DSCAM: variants seen among roughly 807,000 people sequenced by gnomAD.
DSCAM encodes the protein DS cell adhesion molecule.
Under a neutral mutation model 217.7 loss-of-function variants are expected in DSCAM, and 47 were observed. The observed-to-expected ratio is 0.22, with a 90% confidence interval of 0.17 to 0.28. The LOEUF (loss-of-function observed/expected upper bound fraction) is 0.28. DSCAM is among the 10% of genes least tolerant of loss of function. DSCAM has a pLI of 1.00. For missense variants in DSCAM, 2,080 were observed against 2,618.3 expected (o/e 0.79, Z 4.49); for synonymous variants, 1,056 against 1,015.3 (o/e 1.04, Z -0.76).
chr21:40,381,682 A>T (rs2075027306), intron 3 of DSCAM, among the ~76,000 whole-genome samples: 1 of 152,218 alleles, frequency 6.6e-6, no homozygotes, highest in South Asian at 2.1e-4. Flanking sequence ...ATGGGAAAGA[A>T]TCTGGAAAAA....
At chr21:40,442,624 G>T (rs866435135) in intron 3 of DSCAM, among the ~76,000 whole-genome samples, 20 of 144,142 alleles carry the variant, frequency 1.4e-4, no homozygotes, top group African/African-American at 5.1e-4. Context: ...GGTTCAAGAA[G>T]TTCTTCTGCC....
chr21:40,602,259 T>C (rs942768655), intron 3 of DSCAM, among the ~76,000 whole-genome samples: 8 of 151,926 alleles, frequency 5.3e-5, no homozygotes, highest in Non-Finnish European at 1.2e-4. Context: ...ACAGGGTTTG[T>C]CATGTTGCCC....
chr21:40,674,789 C>T (rs1181824417), intron 3 of DSCAM, among the ~76,000 whole-genome samples: 4 of 152,044 alleles, frequency 2.6e-5, no homozygotes. Flanking sequence ...CCTGCCACCA[C>T]GCCCGGCTAA....
intron 1 of DSCAM, among the ~76,000 whole-genome samples, chr21:40,836,246 C>T (rs1046293058): frequency 6.6e-6 from 1 of 152,170 alleles, no homozygotes; most frequent in Non-Finnish European, 1.5e-5. Flanking sequence ...TGCTGGGACT[C>T]CAGCTGCTAT....
intron 1 of DSCAM, among the ~76,000 whole-genome samples, chr21:40,790,682 G>A (rs778380216): frequency 2.0e-5 from 3 of 152,210 alleles, no homozygotes; most frequent in Non-Finnish European, 4.4e-5. Context: ...ATGCAAGCCT[G>A]AGAATGTTGT....
chr21:40,761,032 G>A lies in DSCAM; in HGVS notation c.44-52261C>T, dbSNP rs79379103. 3.7e-4 allele frequency among the ~76,000 whole-genome samples: 57 copies of A among 152,310 alleles called. 2 individuals carry two copies. The East Asian group carries it at 0.011, about 28-fold the overall frequency. On this transcript the variant is annotated intron_variant, in intron 1 of 32. Transcript: ENST00000400454. ...GCCTTCCTTCTTCTGGAATGCAACAGTCATTGTTGAATTTCTACCCTCACC... is the reference window on the plus strand; with the variant it reads ...GCCTTCCTTCTTCTGGAATGCAACAATCATTGTTGAATTTCTACCCTCACC...
chr21:40,678,578 T>C (rs9982026), intron 3 of DSCAM, among the ~76,000 whole-genome samples: 123,124 of 152,090 alleles, frequency 0.81, 51,465 homozygotes, highest in East Asian at 1. Context: ...GCCATCCCTT[T>C]CCCCCATGTA....
intron 6 of DSCAM, among the ~76,000 whole-genome samples, chr21:40,342,891 C>T (rs898377890): frequency 8.6e-5 from 13 of 150,416 alleles, no homozygotes; most frequent in African/African-American, 1.5e-4. Context: ...CTTGAAATCA[C>T]ATTAATCGTT....
chr21:40,730,637 T>C lies in DSCAM; in HGVS notation c.44-21866A>G, dbSNP rs141448846. 1.8e-4 allele frequency among the ~76,000 whole-genome samples: 27 copies of C among 152,282 alleles called. No individual in the cohort carries two copies. The East Asian group carries it at 5.2e-3, about 29-fold the overall frequency. Reference sequence around the variant, plus strand: ...GCCTGGCACGCTGTCCAGCCCATGATGCTGTCTCTATAAGAGGCCACCTGA... The same window carrying C: ...GCCTGGCACGCTGTCCAGCCCATGACGCTGTCTCTATAAGAGGCCACCTGA... On this transcript the variant is annotated intron_variant, in intron 1 of 32. Coordinates refer to ENST00000400454, the MANE Select transcript of DSCAM (RefSeq NM_001389.5).
At chr21:40,291,976 A>G (rs57947814) in intron 10 of DSCAM, among the ~76,000 whole-genome samples, 5,678 of 152,168 alleles carry the variant, frequency 0.037, 362 homozygotes, top group African/African-American at 0.13. Context: ...TCCCTCCAGT[A>G]TAAGTGACAT....
chr21:40,093,748 T>G lies in DSCAM; in HGVS notation c.3823A>C (p.Ile1275Leu). Reference protein sequence around the residue: ...TSAGRGNSSEIITVEPLAKAP... With the variant: ...TSAGRGNSSELITVEPLAKAP... ...TTTGCTAGTGGCTCGACTGTGATGA[T>G]TTCACTGCTGTTGCCTCTTCCGGCT... is the stretch of plus-strand genomic sequence containing the variant. Residue 1275 changes from isoleucine (I) to leucine (L), a missense_variant, in exon 21 of 33, where the codon ATC (isoleucine) becomes CTC (leucine). Ile to Leu is a conservative substitution (Grantham distance 5). This residue lies in a region of DSCAM where 1,144 missense variants were observed against 1,421.1 expected (regional missense o/e 0.81). Transcript: ENST00000400454. The G allele has an allele frequency of 6.2e-7, 1 of 1,613,876 alleles. No individual in the cohort carries two copies. The highest frequency in any genetic ancestry group is 8.5e-7 in the Non-Finnish European group (1 of 1,179,942).
chr21:40,310,843 T>A (rs910081047), intron 9 of DSCAM, among the ~76,000 whole-genome samples: 6 of 152,200 alleles, frequency 3.9e-5, no homozygotes, highest in Middle Eastern at 3.2e-3. Context: ...GTATCCCAAT[T>A]CTTCCACTCC....
chr21:40,461,529 A>G (rs2075805742), intron 3 of DSCAM, among the ~76,000 whole-genome samples: 1 of 152,134 alleles, frequency 6.6e-6, no homozygotes, highest in African/African-American at 2.4e-5. Context: ...ACACTCAAGC[A>G]TTCCAGCTCT....
rs932733310 is a variant in DSCAM at position 40,187,123 on chromosome 21, G to T, written c.2779+8C>A. ...TGGAAGGGAAGCTGGAGGAAGTAAAGAACTTACCTGATTTATTTTTGCATT... is the reference window on the plus strand; with the variant it reads ...TGGAAGGGAAGCTGGAGGAAGTAAATAACTTACCTGATTTATTTTTGCATT... On this transcript the variant is annotated splice_region_variant and intron_variant, in intron 14 of 32. Coordinates refer to ENST00000400454, the MANE Select transcript of DSCAM (RefSeq NM_001389.5). 3 of 1,612,592 alleles carry T rather than the reference G, an allele frequency of 1.9e-6. No individual in the cohort carries two copies.
intron 1 of DSCAM, among the ~76,000 whole-genome samples, chr21:40,755,978 T>C (rs981177574): frequency 1.3e-5 from 2 of 152,230 alleles, no homozygotes; most frequent in African/African-American, 4.8e-5. Context: ...TTAAAACAGA[T>C]AGCACTTATT....
At chr21:40,427,812 T>A (rs1178430347) in intron 3 of DSCAM, among the ~76,000 whole-genome samples, 1 of 152,232 alleles carries the variant, frequency 6.6e-6, no homozygotes, top group Non-Finnish European at 1.5e-5. Context: ...TGCTATGTCT[T>A]CCTGTGAGCT....
At chr21:40,580,493 AC>A (rs2076896017) in intron 3 of DSCAM, among the ~76,000 whole-genome samples, 1 of 151,404 alleles carries the variant, frequency 6.6e-6, no homozygotes. Context: ...AGATGGTGCC[AC>A]TGCACTACAG....
At chr21:40,470,655 G>C (rs992851330) in intron 3 of DSCAM, among the ~76,000 whole-genome samples, 3 of 152,158 alleles carry the variant, frequency 2.0e-5, no homozygotes, top group Non-Finnish European at 4.4e-5. Context: ...CCCAGCTCAA[G>C]AGATCCTCCC....
At chr21:40,350,694 A>G (rs1053406436) in intron 5 of DSCAM, among the ~76,000 whole-genome samples, 11 of 151,996 alleles carry the variant, frequency 7.2e-5, no homozygotes, top group Admixed American at 5.9e-4. Flanking sequence ...CATAGAACTG[A>G]GATCAGTCAG....
Sources: allele counts gnomAD v4.1 joint callset (sites outside exome capture counted in the v4.1 genomes callset), GRCh38; gene constraint gnomAD v4.1.1; regional missense constraint gnomAD v4.1.1; transcripts MANE v1.5; gene names NCBI Gene and HGNC (gene_info 2026-07-23, HGNC 2026-07-21).